Variants in CCDC85A observed in about 807,000 individuals in gnomAD.
CCDC85A encodes coiled-coil domain-containing protein 85A.
A neutral mutation model predicts 50.2 loss-of-function variants in CCDC85A; 38 were observed. The observed-to-expected ratio is 0.76, with a 90% confidence interval of 0.58 to 0.99. CCDC85A has a LOEUF of 0.99. Among genes scored for constraint, CCDC85A ranks in the 50% least tolerant of loss-of-function variants. The pLI, the probability that CCDC85A is intolerant of heterozygous loss-of-function variation, is 0.00. For synonymous variants in CCDC85A, 366 were observed against 301.4 expected (o/e 1.21, Z -2.22); for missense variants, 820 against 742.0 (o/e 1.11, Z -1.22).
chr2:56,324,695 A>G (rs1673378695), intron 2 of CCDC85A, among the ~76,000 whole-genome samples: 1 of 152,104 alleles, frequency 6.6e-6, no homozygotes, highest in Non-Finnish European at 1.5e-5. Flanking sequence ...TTATTCCATA[A>G]AGTCAACTGC....
intron 1 of CCDC85A, among the ~76,000 whole-genome samples, chr2:56,186,923 G>A (rs888041341): frequency 3.3e-5 from 5 of 152,172 alleles, no homozygotes; most frequent in African/African-American, 1.2e-4. Context: ...TCCTTATCAA[G>A]TTCAGAAATG....
chr2:56,376,390 A>T (rs1029978168), intron 5 of CCDC85A, among the ~76,000 whole-genome samples: 2 of 152,140 alleles, frequency 1.3e-5, no homozygotes, highest in Non-Finnish European at 2.9e-5. Flanking sequence ...ATAAATAAAA[A>T]CCTACTCTTT....
At chr2:56,186,332 C>A (rs1176481132) in intron 1 of CCDC85A, among the ~76,000 whole-genome samples, 2 of 152,166 alleles carry the variant, frequency 1.3e-5, no homozygotes, top group Non-Finnish European at 2.9e-5. Context: ...ACCTCATTTG[C>A]CAGGAGGGTG....
chr2:56,209,733 A>G (rs897194897), intron 2 of CCDC85A, among the ~76,000 whole-genome samples: 6 of 152,104 alleles, frequency 3.9e-5, no homozygotes, highest in Non-Finnish European at 7.4e-5. Flanking sequence ...AAGGGAAGGT[A>G]AGATCAATCA....
chr2:56,383,049 A>T (rs1676665090), intron 5 of CCDC85A, among the ~76,000 whole-genome samples: 1 of 151,898 alleles, frequency 6.6e-6, no homozygotes, highest in South Asian at 2.1e-4. Flanking sequence ...TCCTTTCCAG[A>T]TATTTAAGAA....
chr2:56,290,496 T>C (rs1407147476), intron 2 of CCDC85A, among the ~76,000 whole-genome samples: 3 of 152,148 alleles, frequency 2.0e-5, no homozygotes, highest in Non-Finnish European at 2.9e-5. Context: ...CATGGTGAAA[T>C]TTTGCTGTTT....
chr2:56,261,384 C>T (rs1483647038), intron 2 of CCDC85A, among the ~76,000 whole-genome samples: 3 of 152,218 alleles, frequency 2.0e-5, no homozygotes, highest in Admixed American at 6.5e-5. Context: ...GACTCTGGCA[C>T]AGCCCTGCTG....
At chr2:56,381,564 G>A (rs1676587428) in intron 5 of CCDC85A, among the ~76,000 whole-genome samples, 1 of 152,060 alleles carries the variant, frequency 6.6e-6, no homozygotes, top group Non-Finnish European at 1.5e-5. Context: ...TTAAGACCCA[G>A]AAATTAAGTT....
At chr2:56,300,833 A>G (rs1243555478) in intron 2 of CCDC85A, among the ~76,000 whole-genome samples, 1 of 152,210 alleles carries the variant, frequency 6.6e-6, no homozygotes, top group Non-Finnish European at 1.5e-5. Flanking sequence ...TTTACTGAAC[A>G]TGATTGCCTT....
At chr2:56,226,243 AAAAT>A (rs1398885223) in intron 2 of CCDC85A, among the ~76,000 whole-genome samples, 2 of 152,222 alleles carry the variant, frequency 1.3e-5, no homozygotes, top group Non-Finnish European at 2.9e-5. Flanking sequence ...CCTCATCCAT[AAAAT>A]AAATATAATA....
At chr2:56,381,017 C>T (rs72803081) in intron 5 of CCDC85A, among the ~76,000 whole-genome samples, 15,628 of 152,124 alleles carry the variant, frequency 0.1, 1,019 homozygotes, top group South Asian at 0.16. Context: ...TCAACCTCCT[C>T]GAGGTGTTTC....
intron 2 of CCDC85A, among the ~76,000 whole-genome samples, chr2:56,297,162 G>A (rs182562892): frequency 5.1e-4 from 78 of 152,230 alleles, no homozygotes; most frequent in African/African-American, 1.8e-3. Context: ...GTCTGTAAGT[G>A]CATTACAAAT....
chr2:56,241,677 G>T (rs1669264735), intron 2 of CCDC85A, among the ~76,000 whole-genome samples: 1 of 152,152 alleles, frequency 6.6e-6, no homozygotes, highest in Non-Finnish European at 1.5e-5. Context: ...TCTTTATGAT[G>T]GCTGAATAGT....
At chr2:56,276,772 A>T (rs1019949238) in intron 2 of CCDC85A, among the ~76,000 whole-genome samples, 2 of 152,142 alleles carry the variant, frequency 1.3e-5, no homozygotes, top group African/African-American at 4.8e-5. Context: ...AGTTTGGGGT[A>T]CAAGTGCAGG....
chr2:56,338,877 G>A (rs566029307), intron 2 of CCDC85A, among the ~76,000 whole-genome samples: 3 of 151,838 alleles, frequency 2.0e-5, no homozygotes, highest in Non-Finnish European at 4.4e-5. Flanking sequence ...ATTAAAGGAT[G>A]GTGTAATCAG....
intron 5 of CCDC85A, among the ~76,000 whole-genome samples, chr2:56,384,026 T>G (rs1001481641): frequency 7.2e-5 from 11 of 151,834 alleles, no homozygotes; most frequent in Non-Finnish European, 1.2e-4. Context: ...AGTTAATACA[T>G]CATTTTAAAA....
At chr2:56,199,570 T>C (rs1364311017) in intron 2 of CCDC85A, among the ~76,000 whole-genome samples, 1 of 149,076 alleles carries the variant, frequency 6.7e-6, no homozygotes, top group Non-Finnish European at 1.5e-5. Context: ...ATGAGTATTC[T>C]TTTTTTTTTA....
At chr2:56,230,154 A>T (rs551494122) in intron 2 of CCDC85A, among the ~76,000 whole-genome samples, 1 of 152,248 alleles carries the variant, frequency 6.6e-6, no homozygotes, top group African/African-American at 2.4e-5. Context: ...CTCATGTTTT[A>T]CTTGCGTTTT....
chr2:56,254,975 T>C (rs947457234), intron 2 of CCDC85A, among the ~76,000 whole-genome samples: 5 of 152,192 alleles, frequency 3.3e-5, no homozygotes, highest in Non-Finnish European at 7.3e-5. Context: ...TCTCACTACA[T>C]GAATGATGTA....
Sources: allele counts gnomAD v4.1 joint callset (sites outside exome capture counted in the v4.1 genomes callset), GRCh38; gene constraint gnomAD v4.1.1; transcripts MANE v1.5; gene names NCBI Gene and HGNC (gene_info 2026-07-23, HGNC 2026-07-21).